Variants in EPS8 observed in about 807,000 individuals in gnomAD.
The protein encoded by EPS8 is EGFR pathway substrate 8, signaling adaptor, also known as epidermal growth factor receptor kinase substrate 8.
In EPS8, 42 loss-of-function variants were observed where a neutral mutation model predicts 103.8. The observed-to-expected ratio is 0.40, with a 90% CI of 0.32 to 0.52. The LOEUF (loss-of-function observed/expected upper bound fraction) is 0.52. Ranked by LOEUF, EPS8 falls within the 20% of genes least tolerant of loss-of-function variation. The probability of loss-of-function intolerance (pLI) is 0.40; values close to 1 mark genes in which losing one functional copy is unlikely to be tolerated. For missense variants in EPS8, 969 were observed against 1,005.1 expected, an observed-to-expected ratio of 0.96 and a Z score of 0.49; for synonymous variants, 344 against 344.6, an observed-to-expected ratio of 1.00 and a Z score of 0.02.
At chr12:15,682,152 C>T (rs1390315193) in intron 2 of EPS8, among the ~76,000 whole-genome samples, 1 of 152,112 alleles carries the variant, frequency 6.6e-6, no homozygotes, top group Non-Finnish European at 1.5e-5. Context: ...GTACGTGGAA[C>T]TGACTCAAGA....
rs57644270 is a variant in EPS8, at chr12:15,712,354, A to C, written c.-21-29382T>G. Among the ~76,000 whole-genome samples the C allele has an allele frequency of 2.0e-4, 31 of 152,342 alleles. 2 individuals are homozygous for C. In the East Asian group the frequency reaches 6.0e-3, roughly 29 times the overall value. ...GTGGACTCAAAGCCAAGAACAACCT[A>C]AGAAGTCTAAACCTGGTTAATAAGC... On this transcript the variant is annotated intron_variant, in intron 1 of 20. Coordinates refer to ENST00000281172, the MANE Select transcript of EPS8 (RefSeq NM_004447.6).
rs1946913305 is a variant in EPS8, at chr12:15,749,881, A to G, written c.-22+39280T>C. Reference sequence around the variant, plus strand: ...TCCTTATGTAAACAAAATCTAGTAGACTATAGTAATTCATCTAAGAAAAAC... The same window carrying G: ...TCCTTATGTAAACAAAATCTAGTAGGCTATAGTAATTCATCTAAGAAAAAC... On this transcript the variant is annotated intron_variant, in intron 1 of 20. Coordinates refer to ENST00000281172, the MANE Select transcript of EPS8 (RefSeq NM_004447.6). The surrounding 1 kb of genome is among the most constrained non-coding windows in gnomAD (Gnocchi z 4.0). 6.6e-6 allele frequency among the ~76,000 whole-genome samples: 1 copy of G among 152,170 alleles called. No individual in the cohort carries two copies. Among genetic ancestry groups the G allele is most frequent in the Non-Finnish European group, 1.5e-5 (1 of 68,040 alleles).
chr12:15,687,223 G>C (rs1946107885), intron 1 of EPS8, among the ~76,000 whole-genome samples: 1 of 151,862 alleles, frequency 6.6e-6, no homozygotes, highest in South Asian at 2.1e-4. Flanking sequence ...AGTACCATTG[G>C]TAAAGACGGC....
chr12:15,656,005 G>A (rs1945501902), intron 12 of EPS8, among the ~76,000 whole-genome samples: 1 of 152,300 alleles, frequency 6.6e-6, no homozygotes, highest in Middle Eastern at 3.4e-3. Context: ...GAGAAAAGCA[G>A]AGATACTAAA....
In EPS8 at chr12:15,660,584, G is replaced by T. The variant is rs776791657; in HGVS notation, c.937+30C>A. The T allele has an allele frequency of 2.9e-6, 3 of 1,045,840 alleles. No homozygotes were observed. The Admixed American group carries it at 5.1e-5, about 18-fold the overall frequency. The allele number at this position is 1,045,840 out of a possible 1,614,324, so 64.8% of individuals were successfully genotyped here. A position where few individuals can be genotyped will look rare whatever the true frequency, so the allele number is the denominator to read the frequency against. ...CAGCCAGTACTGGAGATCTAACCAG[G>T]CATTAGAAGATTAAGAAAATCCAAC... On this transcript the variant is annotated intron_variant, in intron 10 of 20. Coordinates refer to ENST00000281172, the MANE Select transcript of EPS8 (RefSeq NM_004447.6).
At chr12:15,635,457 A>G (rs903747145) in intron 17 of EPS8, among the ~76,000 whole-genome samples, 11 of 152,274 alleles carry the variant, frequency 7.2e-5, no homozygotes, top group African/African-American at 2.6e-4. Context: ...GAAGAACTGA[A>G]TATTATCAGG....
At chr12:15,648,573 A>G (rs1160671510) in intron 14 of EPS8, among the ~76,000 whole-genome samples, 2 of 152,236 alleles carry the variant, frequency 1.3e-5, no homozygotes, top group East Asian at 1.9e-4. Flanking sequence ...AATTCAGTTT[A>G]TCATTTCCCT....
chr12:15,662,117 A>T lies in EPS8; in HGVS notation c.737-18T>A. 1 of 1,608,168 alleles carries T rather than the reference A, an allele frequency of 6.2e-7. No homozygotes were observed. Among genetic ancestry groups the T allele is most frequent in the Non-Finnish European group, 8.5e-7 (1 of 1,174,964 alleles). Reference sequence around the variant, plus strand: ...TTTCTCAACTATAGAAAGGACAATCATAAGTCTTTCAATCTTTTACTCCCA... The same window carrying T: ...TTTCTCAACTATAGAAAGGACAATCTTAAGTCTTTCAATCTTTTACTCCCA... On this transcript the variant is annotated intron_variant, in intron 8 of 20. Coordinates refer to ENST00000281172, the MANE Select transcript of EPS8 (RefSeq NM_004447.6).
intron 1 of EPS8, among the ~76,000 whole-genome samples, chr12:15,692,319 G>GT (rs56016545): frequency 0.011 from 1,330 of 119,944 alleles, 7 homozygotes; most frequent in African/African-American, 0.022. Flanking sequence ...AAGAGGTTTG[G>GT]TTTTTTTTTT....
In EPS8 at chr12:15,781,131, C is replaced by T. The variant is rs1444871114; in HGVS notation, c.-22+8030G>A. Among the ~76,000 whole-genome samples, 1 of 152,138 alleles carries T rather than the reference C, an allele frequency of 6.6e-6. No homozygotes were observed. Among genetic ancestry groups the T allele is most frequent in the Non-Finnish European group, 1.5e-5 (1 of 68,018 alleles). ...CCACAAATGTTTCTTTTTAAAAGAT[C>T]CTCATTCTTTAAAACAACCGTGTTC... is the stretch of plus-strand genomic sequence containing the variant. On this transcript the variant is annotated intron_variant, in intron 1 of 20. Transcript: ENST00000281172. This position sits in a 1 kb window ranked among gnomAD's most constrained non-coding sequence, Gnocchi z 4.1.
At chr12:15,742,437 T>A (rs1946834689) in intron 1 of EPS8, among the ~76,000 whole-genome samples, 1 of 152,142 alleles carries the variant, frequency 6.6e-6, no homozygotes, top group Non-Finnish European at 1.5e-5. Context: ...CTCACTGTGG[T>A]TTTAATTTGC....
At position 15,784,115 on chromosome 12, in the gene EPS8, AC is replaced by A. The variant is rs1382391741; in HGVS notation, c.-22+5045del. ...CCTTGGCAATGAGTTTTCAAATATA[AC>A]ACAAAAGCCTATCCATGAAATTGGT... On this transcript the variant is annotated intron_variant, in intron 1 of 20. Coordinates refer to ENST00000281172, the MANE Select transcript of EPS8 (RefSeq NM_004447.6). The surrounding 1 kb of genome is among the most constrained non-coding windows in gnomAD (Gnocchi z 4.0). Among the ~76,000 whole-genome samples the A allele has an allele frequency of 1.3e-5, 2 of 152,194 alleles. No individual in the cohort carries two copies. The highest frequency in any genetic ancestry group is 4.8e-5 in the African/African-American group (2 of 41,474).
intron 1 of EPS8, among the ~76,000 whole-genome samples, chr12:15,686,081 C>T (rs1946091180): frequency 6.6e-6 from 1 of 152,114 alleles, no homozygotes; most frequent in Admixed American, 6.6e-5. Flanking sequence ...CACTTACAAG[C>T]AAATTTTCTT....
intron 12 of EPS8, 174 bp from the exon 13 acceptor site, chr12:15,654,467 A>G: frequency 1.6e-6 from 1 of 639,996 alleles, no homozygotes; most frequent in Non-Finnish European, 2.7e-6. Flanking sequence ...CAACTTGCCC[A>G]GCCCAGCAGT....
rs1293430852 is a variant in EPS8 at position 15,702,851 on chromosome 12, CA to C, written c.-21-19880del. ...ACATTCAATAGAGTGAGCAAAACCA[CA>C]TAATAAGTTCATTCGAGGCTGGGCG... On this transcript the variant is annotated intron_variant, in intron 1 of 20. Transcript: ENST00000281172. The surrounding 1 kb of genome is among the most constrained non-coding windows in gnomAD (Gnocchi z 5.1). 2.6e-5 allele frequency among the ~76,000 whole-genome samples: 4 copies of C among 152,148 alleles called. No homozygotes were observed. The highest frequency in any genetic ancestry group is 9.7e-5 in the African/African-American group (4 of 41,440).
At chr12:15,786,965 T>C (rs749978344) in intron 1 of EPS8, among the ~76,000 whole-genome samples, 6 of 152,160 alleles carry the variant, frequency 3.9e-5, no homozygotes, top group Admixed American at 1.3e-4. Context: ...CATTAACTTA[T>C]GTTGTTTTGT....
chr12:15,696,341 A>G lies in EPS8; in HGVS notation c.-21-13369T>C, dbSNP rs1035169443. ...AAACACTAACTTTAGAGACTTTCCA[A>G]GTTTAAGAACATGGACTTGGCCGGG... On this transcript the variant is annotated intron_variant, in intron 1 of 20. Transcript: ENST00000281172. The surrounding 1 kb of genome is among the most constrained non-coding windows in gnomAD (Gnocchi z 4.8). Among the ~76,000 whole-genome samples the G allele has an allele frequency of 6.6e-6, 1 of 152,146 alleles. No homozygotes were observed. The highest frequency in any genetic ancestry group is 1.5e-5 in the Non-Finnish European group (1 of 68,020).
At chr12:15,775,556 A>G (rs2136048440) in intron 1 of EPS8, among the ~76,000 whole-genome samples, 1 of 152,326 alleles carries the variant, frequency 6.6e-6, no homozygotes, top group South Asian at 2.1e-4. Flanking sequence ...TGTGAATATC[A>G]TTACATTTGA....
chr12:15,753,021 G>A (rs1276691611), intron 1 of EPS8, among the ~76,000 whole-genome samples: 1 of 151,322 alleles, frequency 6.6e-6, no homozygotes, highest in African/African-American at 2.4e-5. Flanking sequence ...TGTGACTCAG[G>A]CAGCAACTAG....
Sources: allele counts gnomAD v4.1 joint callset (sites outside exome capture counted in the v4.1 genomes callset), GRCh38; gene constraint gnomAD v4.1.1; non-coding constraint Gnocchi (gnomAD v3.1); transcripts MANE v1.5; gene names NCBI Gene and HGNC (gene_info 2026-07-23, HGNC 2026-07-21).